Variants in MAPK10 observed in about 807,000 individuals in gnomAD.
MAPK10 encodes the protein JNK3 alpha protein kinase.
Under a neutral mutation model 59.3 loss-of-function variants are expected in MAPK10, and 25 were observed. The observed-to-expected ratio is 0.42, with a 90% confidence interval of 0.31 to 0.59. The LOEUF (loss-of-function observed/expected upper bound fraction) is 0.59. Among genes scored for constraint, MAPK10 ranks in the 20% least tolerant of loss-of-function variants. The pLI, the probability that MAPK10 is intolerant of heterozygous loss-of-function variation, is 0.15. For missense variants in MAPK10, 351 were observed against 568.9 expected, an observed-to-expected ratio of 0.62 and a Z score of 3.90; for synonymous variants, 190 against 200.5, an observed-to-expected ratio of 0.95 and a Z score of 0.44.
At chr4:86,224,110 G>A (rs2090175137) in intron 2 of MAPK10, among the ~76,000 whole-genome samples, 2 of 152,204 alleles carry the variant, frequency 1.3e-5, no homozygotes, top group African/African-American at 4.8e-5. Flanking sequence ...CCCTACCTCA[G>A]TTCTAATGAT....
At chr4:86,191,472 T>G (rs946303055) in intron 3 of MAPK10, 16 of 151,904 alleles carry the variant, frequency 1.1e-4, no homozygotes, top group African/African-American at 3.9e-4. Flanking sequence ...GCTCTTCTTG[T>G]TGCATTGACC....
chr4:86,560,777 A>C (rs1760618510), intron 1 of MAPK10, among the ~76,000 whole-genome samples: 1 of 152,258 alleles, frequency 6.6e-6, no homozygotes, highest in African/African-American at 2.4e-5. Flanking sequence ...CATTATTCTC[A>C]GTTCAAAATA....
chr4:86,420,708 G>C (rs1449440136), intron 1 of MAPK10, among the ~76,000 whole-genome samples: 1 of 152,146 alleles, frequency 6.6e-6, no homozygotes, highest in Non-Finnish European at 1.5e-5. Context: ...AGGATCTCTT[G>C]AGCCTGGAAG....
At chr4:86,390,714 C>T (rs1339511570) in intron 1 of MAPK10, among the ~76,000 whole-genome samples, 1 of 152,180 alleles carries the variant, frequency 6.6e-6, no homozygotes, top group Admixed American at 6.5e-5. Context: ...CACACATCAC[C>T]CTTTTATGTC....
intron 9 of MAPK10, among the ~76,000 whole-genome samples, chr4:86,097,684 A>G (rs1348343020): frequency 6.6e-6 from 1 of 152,046 alleles, no homozygotes; most frequent in Non-Finnish European, 1.5e-5. Context: ...TTATACTATT[A>G]TATGTAAACT....
At chr4:86,203,683 G>T (rs28559713) in intron 2 of MAPK10, among the ~76,000 whole-genome samples, 2,895 of 149,830 alleles carry the variant, frequency 0.019, 102 homozygotes, top group African/African-American at 0.067. Context: ...AGAACACAAA[G>T]TCATTGTTAA....
chr4:86,191,307 T>A (rs191961576), intron 3 of MAPK10, among the ~76,000 whole-genome samples: 1 of 152,236 alleles, frequency 6.6e-6, no homozygotes, highest in African/African-American at 2.4e-5. Context: ...CCTTGTTAAT[T>A]TTCTGCCTCG....
At chr4:86,234,084 T>C (rs1476867419) in intron 2 of MAPK10, among the ~76,000 whole-genome samples, 1 of 152,210 alleles carries the variant, frequency 6.6e-6, no homozygotes, top group East Asian at 1.9e-4. Context: ...AATTAAACTT[T>C]AAGTCAGAGT....
At chr4:86,070,838 G>C (rs1952277155) in intron 9 of MAPK10, among the ~76,000 whole-genome samples, 1 of 152,090 alleles carries the variant, frequency 6.6e-6, no homozygotes, top group Non-Finnish European at 1.5e-5. Context: ...TGTGAATAAT[G>C]CCATAATAAA....
intron 2 of MAPK10, among the ~76,000 whole-genome samples, chr4:86,240,714 T>C (rs1386764654): frequency 6.6e-6 from 1 of 152,070 alleles, no homozygotes; most frequent in Admixed American, 6.5e-5. Flanking sequence ...CAACCCTTCA[T>C]TTGGAGCCTG....
intron 1 of MAPK10, among the ~76,000 whole-genome samples, chr4:86,374,575 A>G (rs1176486511): frequency 6.6e-6 from 1 of 152,126 alleles, no homozygotes; most frequent in Non-Finnish European, 1.5e-5. Context: ...AATCCCCAAA[A>G]AGAAAAGGCA....
chr4:86,070,962 G>A (rs1040074057), intron 9 of MAPK10, among the ~76,000 whole-genome samples: 18 of 151,934 alleles, frequency 1.2e-4, no homozygotes, highest in Admixed American at 1.3e-4. Flanking sequence ...CTGAGGAATC[G>A]CCACACTGAC....
chr4:86,267,385 T>C (rs908656169), intron 2 of MAPK10, among the ~76,000 whole-genome samples: 1 of 152,188 alleles, frequency 6.6e-6, no homozygotes, highest in Admixed American at 6.6e-5. Flanking sequence ...ATGCTCTGTG[T>C]ACTCCTGTAA....
chr4:86,454,104 G>A (rs1751022071), upstream of MAPK10, among the ~76,000 whole-genome samples: 4 of 152,254 alleles, frequency 2.6e-5, no homozygotes, highest in Middle Eastern at 3.4e-3. Flanking sequence ...TGAACAAAAG[G>A]AACTGAACAA....
At chr4:86,544,374 C>T (rs1211479911) in intron 1 of MAPK10, among the ~76,000 whole-genome samples, 1 of 152,222 alleles carries the variant, frequency 6.6e-6, no homozygotes, top group East Asian at 1.9e-4. Context: ...ACAATGCTGA[C>T]TTTGCAGATG....
chr4:86,363,682 C>G (rs1737354424), upstream of MAPK10, among the ~76,000 whole-genome samples: 1 of 152,116 alleles, frequency 6.6e-6, no homozygotes, highest in Admixed American at 6.6e-5. Context: ...CTAAGATATA[C>G]AGTACATTAT....
intron 1 of MAPK10, among the ~76,000 whole-genome samples, chr4:86,417,240 A>T (rs1038771291): frequency 5.3e-5 from 8 of 152,240 alleles, no homozygotes; most frequent in African/African-American, 1.9e-4. Context: ...AGTTCTAGAG[A>T]TTTCTATTAA....
chr4:86,207,318 GC>G (rs1563102977), intron 2 of MAPK10, among the ~76,000 whole-genome samples: 1 of 151,644 alleles, frequency 6.6e-6, no homozygotes, highest in South Asian at 2.1e-4. Context: ...TTTCCCCATT[GC>G]TTGTTTTTCT....
chr4:86,294,979 C>T (rs760348074), intron 2 of MAPK10, among the ~76,000 whole-genome samples: 20 of 151,728 alleles, frequency 1.3e-4, no homozygotes, highest in East Asian at 1.9e-4. Flanking sequence ...ACGGAAAAAC[C>T]GGTGATACAG....
Sources: gnomAD v4.1 joint callset for allele counts (sites outside exome capture counted in the v4.1 genomes callset) on GRCh38, gnomAD v4.1.1 for gene constraint, MANE v1.5 for transcripts, NCBI Gene and HGNC (gene_info 2026-07-23, HGNC 2026-07-21) for gene names.